Variants in MARCHF6 observed in about 807,000 individuals in gnomAD.
The protein encoded by MARCHF6 is E3 ubiquitin-protein ligase MARCHF6.
A neutral mutation model predicts 133.7 loss-of-function variants in MARCHF6; 31 were observed. The ratio of observed to expected loss-of-function variants is 0.23; its 90% CI spans 0.17 to 0.31. The LOEUF is 0.31. Ranked by LOEUF, MARCHF6 falls within the 10% of genes least tolerant of loss-of-function variation. The probability of loss-of-function intolerance (pLI) is 1.00; values close to 1 mark genes in which losing one functional copy is unlikely to be tolerated. For synonymous variants in MARCHF6, 395 were observed against 402.5 expected, an observed-to-expected ratio of 0.98 and a Z score of 0.22; for missense variants, 723 against 1,121.6, an observed-to-expected ratio of 0.64 and a Z score of 5.08.
At position 10,417,281 on chromosome 5, in the gene MARCHF6, T is replaced by C; in HGVS notation, c.2160T>C (p.Thr720=). 1 of 1,611,212 alleles carries C rather than the reference T, an allele frequency of 6.2e-7. No homozygotes were observed. The highest frequency in any genetic ancestry group is 8.5e-7 in the Non-Finnish European group (1 of 1,179,346). ...CTGTTTCCTAATAGATCATGAAGAC[T>C]TTGATAGTTGCGGTGCTGTTGGCTG... is the stretch of plus-strand genomic sequence containing the variant. The part of the protein sequence containing the change: ...VKEWSLMIMK[T]LIVAVLLAGV... Residue 720 remains threonine (T), a synonymous_variant, in exon 22 of 26, where the codon ACT becomes ACC. Transcript: ENST00000274140.
chr5:10,358,743 AAT>A (rs1735634911), intron 1 of MARCHF6, among the ~76,000 whole-genome samples: 1 of 152,198 alleles, frequency 6.6e-6, no homozygotes, highest in South Asian at 2.1e-4. Context: ...GTAGTCTAGA[AAT>A]AGTGAGAAAG....
At chr5:10,363,472 A>G (rs978255760) in intron 1 of MARCHF6, among the ~76,000 whole-genome samples, 10 of 152,226 alleles carry the variant, frequency 6.6e-5, no homozygotes, top group Non-Finnish European at 1.5e-4. Flanking sequence ...TAGGATGGCT[A>G]TAATCAGAAA....
intron 1 of MARCHF6, among the ~76,000 whole-genome samples, chr5:10,368,734 C>T (rs1736284345): frequency 6.6e-6 from 1 of 152,014 alleles, no homozygotes; most frequent in Admixed American, 6.5e-5. Context: ...TGTGCGCCAC[C>T]ACGTTCTCGG....
At chr5:10,407,953 T>TTCCCC (rs1739001815) in intron 17 of MARCHF6, among the ~76,000 whole-genome samples, 1 of 81,872 alleles carries the variant, frequency 1.2e-5, no homozygotes, top group African/African-American at 5.4e-5. Flanking sequence ...TGAAACTGCA[T>TTCCCC]CCCCCCCCCC....
intron 1 of MARCHF6, among the ~76,000 whole-genome samples, chr5:10,366,144 C>G (rs1736128099): frequency 6.6e-6 from 1 of 151,982 alleles, no homozygotes. Flanking sequence ...GTTGGCCAGG[C>G]TGGTTTCGAA....
chr5:10,411,623 G>A, intron 19 of MARCHF6, 86 bp downstream of exon 19: 1 of 1,020,298 alleles, frequency 9.8e-7, no homozygotes, highest in Non-Finnish European at 1.4e-6. Context: ...GGTGCTATTA[G>A]TATGCAGTCC....
intron 6 of MARCHF6, 106 bp from the exon 7 acceptor site, chr5:10,391,436 G>GTT (rs35378319): frequency 0.015 from 4,649 of 306,402 alleles, 719 homozygotes; most frequent in East Asian, 0.11. Flanking sequence ...CCTGGCCTAG[G>GTT]TTTTTTTTTT....
At chr5:10,376,429 G>C (rs991225614) in intron 1 of MARCHF6, among the ~76,000 whole-genome samples, 1 of 152,208 alleles carries the variant, frequency 6.6e-6, no homozygotes. Flanking sequence ...ACAAACTCCA[G>C]ACGCGACACC....
At chr5:10,392,939 A>G (rs1448303270) in intron 7 of MARCHF6, among the ~76,000 whole-genome samples, 1 of 152,178 alleles carries the variant, frequency 6.6e-6, no homozygotes, top group Admixed American at 6.5e-5. Context: ...TATAACTGTG[A>G]CCAAAACATT....
intron 22 of MARCHF6, among the ~76,000 whole-genome samples, chr5:10,422,546 G>T (rs536114993): frequency 6.6e-6 from 1 of 152,068 alleles, no homozygotes; most frequent in African/African-American, 2.4e-5. Context: ...ATTTATAGAC[G>T]ACTGGGTAAA....
At position 10,380,942 on chromosome 5, in the gene MARCHF6, AG is replaced by A. The variant is rs143397481; in HGVS notation, c.191-856del. Among the ~76,000 whole-genome samples, 919 of 151,634 alleles carry A rather than the reference AG, an allele frequency of 6.1e-3. 11 individuals are homozygous for A. Among genetic ancestry groups the A allele is most frequent in the African/African-American group, 0.02 (847 of 41,388 alleles). On this transcript the variant is annotated intron_variant, in intron 3 of 25. Coordinates refer to ENST00000274140, the MANE Select transcript of MARCHF6 (RefSeq NM_005885.4). Reference sequence around the variant, plus strand: ...ACTCTGACTCAAAAAAAAAAAAAAAAGGTGCTATTTGTCAGTTGTTTATTTC... The same window carrying A: ...ACTCTGACTCAAAAAAAAAAAAAAAAGTGCTATTTGTCAGTTGTTTATTTC...
At chr5:10,423,663 T>C in intron 22 of MARCHF6, 72 bp from the exon 23 acceptor site, 1 of 978,428 alleles carries the variant, frequency 1.0e-6, no homozygotes, top group Non-Finnish European at 1.5e-6. Flanking sequence ...TGTAAGAAAA[T>C]TATACAGCCT....
chr5:10,370,815 T>A (rs1736423488), intron 1 of MARCHF6, among the ~76,000 whole-genome samples: 1 of 152,224 alleles, frequency 6.6e-6, no homozygotes, highest in Admixed American at 6.5e-5. Flanking sequence ...ACTTTTTAAT[T>A]AGCTGCTGTA....
At chr5:10,430,059 T>C (rs1193191386) in intron 25 of MARCHF6, 31 bp downstream of exon 25, 1 of 1,589,752 alleles carries the variant, frequency 6.3e-7, no homozygotes, top group South Asian at 1.1e-5. Context: ...GTCTCTTGTT[T>C]AAGTGTTTTC....
rs535296581 is a variant in MARCHF6, at chr5:10,435,277, T to C, written c.*1593T>C. ...TGGTAAGCAATTACTTTAAAACATA[T>C]TTTTAAAAACATCGGTATCGGGAGC... On this transcript the variant is annotated 3_prime_UTR_variant, in exon 26 of 26. Coordinates refer to ENST00000274140, the MANE Select transcript of MARCHF6 (RefSeq NM_005885.4). 1 of 152,642 alleles carries C rather than the reference T, an allele frequency of 6.6e-6. No homozygotes were observed. The highest frequency in any genetic ancestry group is 1.9e-4 in the East Asian group (1 of 5,172). 9.5% of individuals were successfully genotyped at this position (152,642 alleles called of 1,614,324 possible).
chr5:10,376,465 G>C (rs892131008), intron 1 of MARCHF6, among the ~76,000 whole-genome samples: 1 of 152,248 alleles, frequency 6.6e-6, no homozygotes, highest in African/African-American at 2.4e-5. Context: ...CTCACCGCGA[G>C]GGTCCGCGGC....
At chr5:10,407,694 C>T (rs556233044) in intron 17 of MARCHF6, among the ~76,000 whole-genome samples, 2 of 152,182 alleles carry the variant, frequency 1.3e-5, no homozygotes, top group South Asian at 2.1e-4. Context: ...TGGCTCACGC[C>T]TGTAATCCCA....
chr5:10,382,065 T>C (rs1737180646), intron 4 of MARCHF6, 122 bp downstream of exon 4: 12 of 1,051,856 alleles, frequency 1.1e-5, no homozygotes, highest in Non-Finnish European at 1.7e-5. Flanking sequence ...CAGAGTGTCA[T>C]GTATTAGGAA....
intron 7 of MARCHF6, among the ~76,000 whole-genome samples, chr5:10,391,965 T>C (rs184212746): frequency 6.6e-6 from 1 of 151,686 alleles, no homozygotes; most frequent in South Asian, 2.1e-4. Context: ...CAGGCCTTTT[T>C]TTTTTTTTTG....
Sources: gnomAD v4.1 joint callset for allele counts (sites outside exome capture counted in the v4.1 genomes callset) on GRCh38, gnomAD v4.1.1 for gene constraint, MANE v1.5 for transcripts, NCBI Gene and HGNC (gene_info 2026-07-23, HGNC 2026-07-21) for gene names.